The following SAMD5 variants were observed in gnomAD, a reference collection of about 807,000 sequenced individuals.
SAMD5 encodes the protein sterile alpha motif domain-containing protein 5.
Under a neutral mutation model 11.3 loss-of-function variants are expected in SAMD5, and 13 were observed. That is an observed-to-expected ratio of 1.15 (90% CI 0.75 to 1.83). SAMD5 has a LOEUF of 1.83. SAMD5 is among the 40% of genes most tolerant of loss of function. SAMD5 has a pLI of 0.00. For missense variants in SAMD5, 255 were observed against 239.1 expected (o/e 1.07, Z -0.44); for synonymous variants, 129 against 111.3 (o/e 1.16, Z -1.00).
intron 1 of SAMD5, among the ~76,000 whole-genome samples, chr6:147,542,184 CCCTG>C (rs1454562179): frequency 6.6e-6 from 1 of 152,198 alleles, no homozygotes; most frequent in African/African-American, 2.4e-5. Context: ...GTCGGCAGCA[CCCTG>C]CCAGTAGAGA....
At chr6:147,521,937 TTTAA>T (rs1249284662) in intron 1 of SAMD5, among the ~76,000 whole-genome samples, 1 of 152,168 alleles carries the variant, frequency 6.6e-6, no homozygotes, top group East Asian at 1.9e-4. Flanking sequence ...GTTTTCTTTG[TTTAA>T]TTAGAGAAAG....
chr6:147,702,395 C>G (rs1006826707), intron 1 of SAMD5, among the ~76,000 whole-genome samples: 1 of 152,050 alleles, frequency 6.6e-6, no homozygotes, highest in Non-Finnish European at 1.5e-5. Flanking sequence ...GGCAATAAAA[C>G]ATTTGGGAGG....
At chr6:147,714,239 G>A (rs1316780814) in intron 1 of SAMD5, among the ~76,000 whole-genome samples, 1 of 152,172 alleles carries the variant, frequency 6.6e-6, no homozygotes, top group African/African-American at 2.4e-5. Context: ...GAGTAAACTG[G>A]AGGATGTGAA....
the SAMD5 span, among the ~76,000 whole-genome samples, chr6:147,934,500 G>A: frequency 3.9e-5 from 6 of 152,106 alleles, no homozygotes; most frequent in Non-Finnish European, 7.4e-5. Flanking sequence ...AAGGTGAAAC[G>A]AAAATGCATG....
chr6:147,725,944 A>G (rs561419086), intron 1 of SAMD5, among the ~76,000 whole-genome samples: 1 of 152,218 alleles, frequency 6.6e-6, no homozygotes, highest in Non-Finnish European at 1.5e-5. Context: ...ACTAAGCTTT[A>G]AACTGGATAG....
chr6:147,780,508 T>C, the SAMD5 span, among the ~76,000 whole-genome samples: 1 of 152,182 alleles, frequency 6.6e-6, no homozygotes, highest in Non-Finnish European at 1.5e-5. Flanking sequence ...GCACCGGGCC[T>C]ATAAACTTAA....
chr6:147,646,864 G>A (rs1221736178), intron 1 of SAMD5, among the ~76,000 whole-genome samples: 15 of 151,814 alleles, frequency 9.9e-5, no homozygotes, highest in Middle Eastern at 3.5e-3. Context: ...AAGGCCAGGC[G>A]TGGTGGCTCA....
At chr6:147,924,638 C>T in the SAMD5 span, among the ~76,000 whole-genome samples, 1 of 151,592 alleles carries the variant, frequency 6.6e-6, no homozygotes. Flanking sequence ...ATAAACCGAA[C>T]AAAACTAAAA....
the SAMD5 span, among the ~76,000 whole-genome samples, chr6:147,899,189 A>AAG: frequency 4.6e-4 from 57 of 123,462 alleles, no homozygotes; most frequent in African/African-American, 1.8e-3. Flanking sequence ...AAAAAAAAAA[A>AAG]AAAAGATAAC....
intron 1 of SAMD5, among the ~76,000 whole-genome samples, chr6:147,653,289 T>A (rs906139913): frequency 1.3e-5 from 2 of 152,202 alleles, no homozygotes; most frequent in Non-Finnish European, 2.9e-5. Flanking sequence ...TGATCTAAAA[T>A]TTGGTTACCT....
At chr6:147,592,407 G>A (rs139808645) in intron 1 of SAMD5, among the ~76,000 whole-genome samples, 5 of 152,194 alleles carry the variant, frequency 3.3e-5, no homozygotes, top group Non-Finnish European at 7.4e-5. Flanking sequence ...GGGAGTGCGG[G>A]AGAGGCACTT....
In SAMD5 at chr6:147,566,983, C is replaced by T; in HGVS notation, c.*2527C>T. The T allele has an allele frequency of 1.2e-6, 1 of 827,552 alleles. No individual in the cohort carries two copies. Among genetic ancestry groups the T allele is most frequent in the Non-Finnish European group, 1.5e-6 (1 of 686,530 alleles). The allele number at this position is 827,552 out of a possible 1,614,324, so 51.3% of individuals were successfully genotyped here. ...TGAATATAAAAGAAGTAGCAATTGA[C>T]TAAGAATAAATATGTTATAAAAACT... On this transcript the variant is annotated 3_prime_UTR_variant, in exon 2 of 2. Transcript: ENST00000367474.
the SAMD5 span, among the ~76,000 whole-genome samples, chr6:147,846,909 A>G: frequency 6.6e-6 from 1 of 152,206 alleles, no homozygotes; most frequent in Non-Finnish European, 1.5e-5. Flanking sequence ...GACTACCAAC[A>G]TGTCCCAAGT....
the SAMD5 span, among the ~76,000 whole-genome samples, chr6:147,769,257 C>A: frequency 6.6e-6 from 1 of 152,226 alleles, no homozygotes; most frequent in East Asian, 1.9e-4. Context: ...AAGCAGATTG[C>A]AACGAATCAA....
At chr6:147,942,826 T>C in the SAMD5 span, among the ~76,000 whole-genome samples, 1 of 149,424 alleles carries the variant, frequency 6.7e-6, no homozygotes, top group Non-Finnish European at 1.5e-5. Flanking sequence ...AATGCTTCTT[T>C]TTTTTTTTTT....
chr6:147,716,865 C>T (rs957161383), intron 1 of SAMD5, among the ~76,000 whole-genome samples: 1 of 152,206 alleles, frequency 6.6e-6, no homozygotes, highest in Non-Finnish European at 1.5e-5. Flanking sequence ...TATCTCTTCC[C>T]ATTAAACTTT....
the SAMD5 span, among the ~76,000 whole-genome samples, chr6:147,827,584 A>G: frequency 6.6e-6 from 1 of 152,124 alleles, no homozygotes; most frequent in African/African-American, 2.4e-5. Context: ...TTGAAACTTC[A>G]TGTTCTGTGA....
chr6:147,530,679 C>T (rs11753188), intron 1 of SAMD5, among the ~76,000 whole-genome samples: 5,099 of 152,280 alleles, frequency 0.033, 188 homozygotes, highest in African/African-American at 0.098. Flanking sequence ...AGGGGAATTC[C>T]TGCAAAAGCT....
At chr6:147,645,149 G>A (rs1465323805) in intron 1 of SAMD5, among the ~76,000 whole-genome samples, 1 of 152,060 alleles carries the variant, frequency 6.6e-6, no homozygotes, top group South Asian at 2.1e-4. Context: ...TCCAGGCTGG[G>A]GCAACCCCAC....
Sources: allele counts gnomAD v4.1 joint callset (sites outside exome capture counted in the v4.1 genomes callset), GRCh38; gene constraint gnomAD v4.1.1; transcripts MANE v1.5; gene names NCBI Gene and HGNC (gene_info 2026-07-23, HGNC 2026-07-21).